Variants in MAN1C1 observed in about 807,000 individuals in gnomAD.
The protein encoded by MAN1C1 is mannosyl-oligosaccharide 1,2-alpha-mannosidase IC.
A neutral mutation model predicts 71.5 loss-of-function variants in MAN1C1; 49 were observed. That is an observed-to-expected ratio of 0.69 (90% CI 0.54 to 0.87). The LOEUF is 0.87. Among genes scored for constraint, MAN1C1 ranks in the 40% least tolerant of loss-of-function variants. The probability of loss-of-function intolerance (pLI) is 0.00; values close to 1 mark genes in which losing one functional copy is unlikely to be tolerated. For synonymous variants in MAN1C1, 352 were observed against 343.7 expected, an observed-to-expected ratio of 1.02 and a Z score of -0.27; for missense variants, 743 against 835.0, an observed-to-expected ratio of 0.89 and a Z score of 1.36.
rs956350898 is a variant in MAN1C1 at position 25,771,594 on chromosome 1, G to A, written c.1142-63G>A. The A allele has an allele frequency of 3.9e-6, 5 of 1,293,850 alleles. No homozygotes were observed. The African/African-American group carries it at 5.8e-5, about 15-fold the overall frequency. The allele number at this position is 1,293,850 out of a possible 1,614,324, so 80.1% of individuals were successfully genotyped here. A position where few individuals can be genotyped will look rare whatever the true frequency, so the allele number is the denominator to read the frequency against. On this transcript the variant is annotated intron_variant, in intron 7 of 11. Transcript: ENST00000374332. ...CCCTGAGGTCAGGCGGGTGTGCGAG[G>A]CCCTGCCCCGTGAGAGCCGGCGGCA...
chr1:25,686,027 T>G (rs935613889), intron 1 of MAN1C1, among the ~76,000 whole-genome samples: 4 of 152,236 alleles, frequency 2.6e-5, no homozygotes, highest in Non-Finnish European at 4.4e-5. Context: ...TCCTTAGCTA[T>G]AAAATGGGTT....
rs922515079 is a variant in MAN1C1 at position 25,779,844 on chromosome 1, C to T, written c.1478-1096C>T. Among the ~76,000 whole-genome samples, 2 of 152,188 alleles carry T rather than the reference C, an allele frequency of 1.3e-5. No individual in the cohort carries two copies. Among genetic ancestry groups the T allele is most frequent in the Non-Finnish European group, 2.9e-5 (2 of 68,006 alleles). On this transcript the variant is annotated intron_variant, in intron 9 of 11. Coordinates refer to ENST00000374332, the MANE Select transcript of MAN1C1 (RefSeq NM_020379.4). This position sits in a 1 kb window ranked among gnomAD's most constrained non-coding sequence, Gnocchi z 4.6. Reference sequence around the variant, plus strand: ...ACCCCTGCCTCTAAAGTAAAAGCAACCTAGGGCCTCTCAGGGTTTTGAACC... The same window carrying T: ...ACCCCTGCCTCTAAAGTAAAAGCAATCTAGGGCCTCTCAGGGTTTTGAACC...
At chr1:25,763,568 A>T in intron 6 of MAN1C1, 1 of 281,248 alleles carries the variant, frequency 3.6e-6, no homozygotes, top group Non-Finnish European at 6.8e-6. Flanking sequence ...GGAAGTGTTG[A>T]GAGTTGGGTG....
intron 7 of MAN1C1, among the ~76,000 whole-genome samples, chr1:25,768,075 TC>T (rs1277526913): frequency 5.4e-4 from 1 of 1,866 alleles, no homozygotes; most frequent in Non-Finnish European, 8.8e-4. Flanking sequence ...ACACACACAC[TC>T]CCCCCCACAC....
At chr1:25,652,192 C>T (rs1300615134) in intron 1 of MAN1C1, among the ~76,000 whole-genome samples, 12 of 152,212 alleles carry the variant, frequency 7.9e-5, no homozygotes, top group Admixed American at 4.6e-4. Context: ...TTCCTGCTGC[C>T]GCATGTCAGG....
intron 1 of MAN1C1, among the ~76,000 whole-genome samples, chr1:25,618,764 A>T (rs906389074): frequency 2.0e-5 from 3 of 151,860 alleles, no homozygotes; most frequent in African/African-American, 7.3e-5. Context: ...TCACTGTGTG[A>T]CCTTAAGTCC....
At chr1:25,780,547 C>T (rs1163106781) in intron 9 of MAN1C1, among the ~76,000 whole-genome samples, 1 of 152,190 alleles carries the variant, frequency 6.6e-6, no homozygotes, top group Non-Finnish European at 1.5e-5. Context: ...TTGTTTAACC[C>T]TCGGTTCCCC....
intron 1 of MAN1C1, among the ~76,000 whole-genome samples, chr1:25,641,946 A>G (rs1326176020): frequency 6.6e-6 from 1 of 152,204 alleles, no homozygotes; most frequent in Non-Finnish European, 1.5e-5. Flanking sequence ...GAGCTGAAGG[A>G]AAGACAAAGA....
chr1:25,675,937 G>T (rs1290300348), intron 1 of MAN1C1, among the ~76,000 whole-genome samples: 1 of 152,208 alleles, frequency 6.6e-6, no homozygotes, highest in African/African-American at 2.4e-5. Context: ...GAGCCCTAGA[G>T]CAGCCTCTCA....
chr1:25,771,829 A>C (rs1572211138), intron 8 of MAN1C1, 57 bp downstream of exon 8: 3 of 1,435,878 alleles, frequency 2.1e-6, no homozygotes, highest in Non-Finnish European at 2.0e-6. Flanking sequence ...CGGCTCTCTC[A>C]CGGCCGAGCG....
At chr1:25,659,446 C>T (rs2045815361) in intron 1 of MAN1C1, among the ~76,000 whole-genome samples, 1 of 152,218 alleles carries the variant, frequency 6.6e-6, no homozygotes, top group Non-Finnish European at 1.5e-5. Context: ...CAAGCTCTTC[C>T]CTCCAGGAAC....
rs200748972 is a variant in MAN1C1 at position 25,783,806 on chromosome 1, C to T, written c.*17C>T. The T allele has an allele frequency of 8.3e-5, 134 of 1,606,104 alleles. No homozygotes were observed. The highest frequency in any genetic ancestry group is 1.6e-4 in the Middle Eastern group (1 of 6,072). On this transcript the variant is annotated 3_prime_UTR_variant, in exon 12 of 12. Coordinates refer to ENST00000374332, the MANE Select transcript of MAN1C1 (RefSeq NM_020379.4). Reference sequence around the variant, plus strand: ...AGACACTGACCCCATCTCCTGCCGCCGCCCTGGGGCCGCCGCAGGGATGCC... The same window carrying T: ...AGACACTGACCCCATCTCCTGCCGCTGCCCTGGGGCCGCCGCAGGGATGCC...
At chr1:25,695,003 G>A (rs1287834141) in intron 2 of MAN1C1, among the ~76,000 whole-genome samples, 1 of 152,022 alleles carries the variant, frequency 6.6e-6, no homozygotes, top group Non-Finnish European at 1.5e-5. Flanking sequence ...TTCCCTGCAG[G>A]TATACACACC....
chr1:25,718,029 G>C (rs947431098), intron 2 of MAN1C1, among the ~76,000 whole-genome samples: 13 of 141,296 alleles, frequency 9.2e-5, no homozygotes, highest in African/African-American at 3.8e-4. Flanking sequence ...CACACACATA[G>C]CCATTCCCCC....
intron 6 of MAN1C1, among the ~76,000 whole-genome samples, chr1:25,762,548 T>A (rs2047375686): frequency 6.6e-6 from 1 of 151,968 alleles, no homozygotes; most frequent in African/African-American, 2.4e-5. Flanking sequence ...TGTCTCCACC[T>A]CCAGAGTAGC....
intron 2 of MAN1C1, among the ~76,000 whole-genome samples, chr1:25,714,724 A>T (rs374469980): frequency 6.6e-6 from 1 of 152,236 alleles, no homozygotes; most frequent in South Asian, 2.1e-4. Context: ...TTACAATGTC[A>T]CATACCAGGT....
chr1:25,766,760 G>C (rs186387403), intron 7 of MAN1C1, among the ~76,000 whole-genome samples: 3 of 152,202 alleles, frequency 2.0e-5, no homozygotes, highest in African/African-American at 7.2e-5. Context: ...CCCTCGGTGC[G>C]GCACCTGAGT....
At chr1:25,639,214 T>TTCACTCACAAATCCAA (rs2045505565) in intron 1 of MAN1C1, among the ~76,000 whole-genome samples, 3 of 152,168 alleles carry the variant, frequency 2.0e-5, no homozygotes, top group Non-Finnish European at 4.4e-5. Context: ...TGGTTTTTGT[T>TTCACTCACAAATCCAA]TCTCTGAGAT....
intron 1 of MAN1C1, among the ~76,000 whole-genome samples, chr1:25,651,307 A>G (rs1482554015): frequency 6.6e-6 from 1 of 152,260 alleles, no homozygotes; most frequent in African/African-American, 2.4e-5. Flanking sequence ...AGTGACAGGC[A>G]GGAAGGCCCT....
Sources: gnomAD v4.1 joint callset for allele counts (sites outside exome capture counted in the v4.1 genomes callset) on GRCh38, gnomAD v4.1.1 for gene constraint, Gnocchi (gnomAD v3.1) non-coding constraint, MANE v1.5 for transcripts, NCBI Gene and HGNC (gene_info 2026-07-23, HGNC 2026-07-21) for gene names.